The following TRIM44 variants were observed in gnomAD, a reference collection of about 807,000 sequenced individuals.
TRIM44 encodes tripartite motif containing 44.
In TRIM44, 13 loss-of-function variants were observed where a neutral mutation model predicts 37.4. The observed-to-expected ratio is 0.35, with a 90% CI of 0.23 to 0.55. The LOEUF is 0.55. TRIM44 is among the 20% of genes least tolerant of loss of function. TRIM44 has a pLI of 0.89. For missense variants in TRIM44, 426 were observed against 437.2 expected (o/e 0.97, Z 0.23); for synonymous variants, 175 against 157.2 (o/e 1.11, Z -0.85).
intron 4 of TRIM44, among the ~76,000 whole-genome samples, chr11:35,795,432 T>G (rs143353645): frequency 4.6e-5 from 7 of 151,896 alleles, no homozygotes; most frequent in African/African-American, 1.4e-4. Context: ...AGAAGATGAA[T>G]GGACACACAT....
chr11:35,780,919 G>A (rs2133871868), intron 4 of TRIM44, among the ~76,000 whole-genome samples: 1 of 152,252 alleles, frequency 6.6e-6, no homozygotes. Context: ...GATACAGGGT[G>A]AACAAATCAG....
chr11:35,804,785 G>A (rs563237055), intron 4 of TRIM44, among the ~76,000 whole-genome samples: 1 of 152,178 alleles, frequency 6.6e-6, no homozygotes, highest in Non-Finnish European at 1.5e-5. Flanking sequence ...GGAAAGGGGA[G>A]TGGAAACAGG....
intron 2 of TRIM44, among the ~76,000 whole-genome samples, chr11:35,702,430 G>T (rs1004559775): frequency 6.6e-6 from 1 of 152,206 alleles, no homozygotes; most frequent in Non-Finnish European, 1.5e-5. Flanking sequence ...CTGCCCTCCT[G>T]TTTCTGCGAT....
chr11:35,769,887 A>T (rs182497369), intron 4 of TRIM44, among the ~76,000 whole-genome samples: 5 of 152,174 alleles, frequency 3.3e-5, no homozygotes, highest in Non-Finnish European at 7.4e-5. Context: ...CCTAAGGACT[A>T]TGAATTTATT....
At chr11:35,692,045 A>G (rs1851642443) in intron 2 of TRIM44, among the ~76,000 whole-genome samples, 2 of 152,200 alleles carry the variant, frequency 1.3e-5, no homozygotes, top group Non-Finnish European at 2.9e-5. Flanking sequence ...TAAAGTAGAA[A>G]AACCGTAAGT....
At chr11:35,741,460 A>G (rs1300987626) in intron 4 of TRIM44, among the ~76,000 whole-genome samples, 1 of 152,214 alleles carries the variant, frequency 6.6e-6, no homozygotes, top group East Asian at 1.9e-4. Context: ...TCACAGCTGG[A>G]AAATTCAGCT....
chr11:35,783,143 A>G (rs558796267), intron 4 of TRIM44, among the ~76,000 whole-genome samples: 4 of 152,304 alleles, frequency 2.6e-5, no homozygotes, highest in South Asian at 4.1e-4. Context: ...TCCTCATTTT[A>G]TAGAGGTATC....
intron 4 of TRIM44, among the ~76,000 whole-genome samples, chr11:35,775,931 C>G (rs544526793): frequency 6.6e-6 from 1 of 152,206 alleles, no homozygotes; most frequent in African/African-American, 2.4e-5. Flanking sequence ...CTAAAATTCT[C>G]TTTTTTTGTT....
chr11:35,716,740 G>A (rs1286601945), intron 2 of TRIM44, among the ~76,000 whole-genome samples: 2 of 152,174 alleles, frequency 1.3e-5, no homozygotes, highest in Non-Finnish European at 2.9e-5. Context: ...GGGAATAGAG[G>A]AAACAAGTTG....
intron 4 of TRIM44, among the ~76,000 whole-genome samples, chr11:35,775,325 C>T (rs988324252): frequency 1.3e-5 from 2 of 152,266 alleles, no homozygotes; most frequent in Middle Eastern, 3.4e-3. Flanking sequence ...ATTTTGTATC[C>T]TGAGACTTTG....
intron 2 of TRIM44, among the ~76,000 whole-genome samples, chr11:35,685,758 G>C (rs1851568717): frequency 1.3e-5 from 2 of 152,244 alleles, no homozygotes; most frequent in Middle Eastern, 3.4e-3. Context: ...CCGCCTGCCG[G>C]GTCCAAGCCA....
rs572192936 is a variant in TRIM44 at position 35,700,609 on chromosome 11, A to G, written c.747+15273A>G. Among the ~76,000 whole-genome samples, 281 of 152,238 alleles carry G rather than the reference A, an allele frequency of 1.8e-3. 2 individuals carry two copies. Among genetic ancestry groups the G allele is most frequent in the African/African-American group, 6.5e-3 (270 of 41,558 alleles). On this transcript the variant is annotated intron_variant, in intron 2 of 4. Coordinates refer to ENST00000299413, the MANE Select transcript of TRIM44 (RefSeq NM_017583.6). ...CACAGACCATCTATGTCATGTGTGGATTTTCCAACTTATCCTAAACATCCC... is the reference window on the plus strand; with the variant it reads ...CACAGACCATCTATGTCATGTGTGGGTTTTCCAACTTATCCTAAACATCCC...
At chr11:35,781,837 T>C (rs1232122139) in intron 4 of TRIM44, among the ~76,000 whole-genome samples, 1 of 152,226 alleles carries the variant, frequency 6.6e-6, no homozygotes, top group African/African-American at 2.4e-5. Context: ...TGCCTAGACC[T>C]ATGCTTTTCC....
At chr11:35,798,201 G>A (rs1853318137) in intron 4 of TRIM44, among the ~76,000 whole-genome samples, 1 of 152,162 alleles carries the variant, frequency 6.6e-6, no homozygotes, top group Non-Finnish European at 1.5e-5. Flanking sequence ...GCTTTCCACT[G>A]AATCAAAGGA....
intron 2 of TRIM44, among the ~76,000 whole-genome samples, chr11:35,708,883 C>G (rs1001320339): frequency 2.6e-5 from 4 of 151,378 alleles, no homozygotes; most frequent in Non-Finnish European, 5.9e-5. Flanking sequence ...GCACATTGTG[C>G]ACATGTACCC....
At chr11:35,766,340 G>A (rs1852798484) in intron 4 of TRIM44, among the ~76,000 whole-genome samples, 1 of 152,100 alleles carries the variant, frequency 6.6e-6, no homozygotes, top group Non-Finnish European at 1.5e-5. Context: ...TGTTGGGGTT[G>A]GGAATTTATC....
chr11:35,676,293 G>A (rs1013236432), intron 1 of TRIM44, among the ~76,000 whole-genome samples: 2 of 152,174 alleles, frequency 1.3e-5, no homozygotes. Context: ...GCCATCTAAG[G>A]TTCTATTCTG....
intron 4 of TRIM44, among the ~76,000 whole-genome samples, chr11:35,803,215 C>T (rs1199087274): frequency 6.6e-6 from 1 of 151,442 alleles, no homozygotes; most frequent in Non-Finnish European, 1.5e-5. Flanking sequence ...TGCTGCCTCT[C>T]TCATTGGTAA....
chr11:35,693,033 A>C lies in TRIM44; in HGVS notation c.747+7697A>C, dbSNP rs184524955. On this transcript the variant is annotated intron_variant, in intron 2 of 4. Transcript: ENST00000299413. The stretch of plus-strand genomic sequence containing the variant: ...AGCCCCCCAGAATCACAGCAGATTC[A>C]GAGAGACTCCAGGGGTGCCTCGTGG... 5.3e-5 allele frequency among the ~76,000 whole-genome samples: 8 copies of C among 152,294 alleles called. No individual in the cohort carries two copies. The East Asian group carries it at 1.5e-3, about 29-fold the overall frequency.
Sources: gnomAD v4.1 joint callset for allele counts (sites outside exome capture counted in the v4.1 genomes callset) on GRCh38, gnomAD v4.1.1 for gene constraint, MANE v1.5 for transcripts, NCBI Gene and HGNC (gene_info 2026-07-23, HGNC 2026-07-21) for gene names.